STXBP5: variants seen among roughly 807,000 people sequenced by gnomAD.
STXBP5 encodes syntaxin binding protein 5, also known as syntaxin-binding protein 5.
Under a neutral mutation model 152.4 loss-of-function variants are expected in STXBP5, and 50 were observed. The ratio of observed to expected loss-of-function variants is 0.33; its 90% CI spans 0.26 to 0.42. The LOEUF (loss-of-function observed/expected upper bound fraction) is 0.42, where lower values mean the gene tolerates loss of function less well. Among genes scored for constraint, STXBP5 ranks in the 10% least tolerant of loss-of-function variants. The pLI, the probability that STXBP5 is intolerant of heterozygous loss-of-function variation, is 1.00. For missense variants in STXBP5, 1,167 were observed against 1,388.6 expected (o/e 0.84, Z 2.54); for synonymous variants, 492 against 494.7 (o/e 0.99, Z 0.07).
chr6:147,232,777 C>G (rs1433447315), intron 2 of STXBP5, among the ~76,000 whole-genome samples: 14 of 151,776 alleles, frequency 9.2e-5, no homozygotes, highest in Admixed American at 9.2e-4. Flanking sequence ...TTATTTTTAT[C>G]ATGTTAGCTA....
intron 16 of STXBP5, among the ~76,000 whole-genome samples, chr6:147,324,147 T>TAC (rs1244068499): frequency 2.6e-5 from 4 of 151,948 alleles, no homozygotes; most frequent in Admixed American, 1.3e-4. Flanking sequence ...TGAAAGTAGG[T>TAC]GCACACACAC....
In STXBP5 at chr6:147,388,640, A is replaced by G. The variant is rs546101699; in HGVS notation, c.*3885A>G. On this transcript the variant is annotated 3_prime_UTR_variant, in exon 28 of 28. Coordinates refer to ENST00000321680, the MANE Select transcript of STXBP5 (RefSeq NM_001127715.4). Reference sequence around the variant, plus strand: ...TCATACATCATTTAAAAATCTTCACACATGAACAGGAAAGATATCATTTCT... The same window carrying G: ...TCATACATCATTTAAAAATCTTCACGCATGAACAGGAAAGATATCATTTCT... 5 of 151,484 alleles carry G rather than the reference A, an allele frequency of 3.3e-5. No individual in the cohort carries two copies. The East Asian group carries it at 5.8e-4, about 18-fold the overall frequency. 9.4% of individuals were successfully genotyped at this position (151,484 alleles called of 1,614,324 possible).
rs756950018 is a variant in STXBP5 at position 147,327,149 on chromosome 6, C to T, written c.1953C>T (p.Gly651=). The T allele has an allele frequency of 1.2e-6, 2 of 1,611,862 alleles. No individual in the cohort carries two copies. Among genetic ancestry groups the T allele is most frequent in the African/African-American group, 2.7e-5 (2 of 74,764 alleles). ...GGGTGGTTTTTGGCAATTGCAATGGCATTGCTATGGTTGACTACCTCCAGA... is the reference window on the plus strand; with the variant it reads ...GGGTGGTTTTTGGCAATTGCAATGGTATTGCTATGGTTGACTACCTCCAGA... ...YGLVVFGNCN[G]IAMVDYLQKA... Residue 651 remains glycine, a synonymous_variant, in exon 18 of 28, where the codon GGC becomes GGT. Coordinates refer to ENST00000321680, the MANE Select transcript of STXBP5 (RefSeq NM_001127715.4).
chr6:147,327,752 T>C (rs1278944399), intron 18 of STXBP5, among the ~76,000 whole-genome samples: 1 of 152,192 alleles, frequency 6.6e-6, no homozygotes, highest in African/African-American at 2.4e-5. Flanking sequence ...TGTTTTTCTT[T>C]TTAATATTCT....
At chr6:147,333,497 C>G (rs1783682419) in intron 18 of STXBP5, among the ~76,000 whole-genome samples, 1 of 152,208 alleles carries the variant, frequency 6.6e-6, no homozygotes, top group African/African-American at 2.4e-5. Flanking sequence ...GCACTCCAGC[C>G]TGGGCGACAG....
chr6:147,253,185 C>T (rs1779185076), intron 4 of STXBP5, among the ~76,000 whole-genome samples: 1 of 152,102 alleles, frequency 6.6e-6, no homozygotes, highest in Admixed American at 6.6e-5. Flanking sequence ...TAATCCATCA[C>T]ATAAACAGAA....
At chr6:147,314,175 GATT>G (rs1012003914) in intron 12 of STXBP5, 86 bp from the exon 13 acceptor site, 39 of 1,311,166 alleles carry the variant, frequency 3.0e-5, no homozygotes, top group Non-Finnish European at 3.9e-5. Flanking sequence ...TTTTTCACTG[GATT>G]ATTTACACAC....
intron 7 of STXBP5, among the ~76,000 whole-genome samples, chr6:147,277,072 G>A (rs925823734): frequency 1.3e-5 from 2 of 151,998 alleles, no homozygotes; most frequent in Non-Finnish European, 2.9e-5. Flanking sequence ...GTAAATTGAG[G>A]AGCATCTGTA....
In STXBP5 at chr6:147,267,158, A is replaced by G. The variant is rs200726158; in HGVS notation, c.705A>G (p.Thr235=). ...CAAAGAAAGCCGACTACAGATACACATATGATGAGGTAATATTATTTTTGC... is the reference window on the plus strand; with the variant it reads ...CAAAGAAAGCCGACTACAGATACACGTATGATGAGGTAATATTATTTTTGC... The part of the protein sequence containing the change: ...LKSKKADYRY[T]YDEAIHSVAW... The change falls in exon 7 of 28, where the codon ACA becomes ACG. Residue 235 remains threonine (T), a synonymous_variant. Transcript: ENST00000321680. 25 of 1,603,324 alleles carry G rather than the reference A, an allele frequency of 1.6e-5. No homozygotes were observed. In the African/African-American group the frequency reaches 2.2e-4, roughly 14 times the overall value.
At chr6:147,368,683 T>A (rs1269515736) in intron 25 of STXBP5, among the ~76,000 whole-genome samples, 2 of 152,032 alleles carry the variant, frequency 1.3e-5, no homozygotes, top group Non-Finnish European at 2.9e-5. Flanking sequence ...GACATGATCA[T>A]CAGTATAGGA....
rs1328727763 is a variant in STXBP5, at chr6:147,388,500, A to G, written c.*3745A>G. On this transcript the variant is annotated 3_prime_UTR_variant, in exon 28 of 28. Coordinates refer to ENST00000321680, the MANE Select transcript of STXBP5 (RefSeq NM_001127715.4). Reference sequence around the variant, plus strand: ...TAATTTTAAAATGGTGAACTTGTTAAGTTTAAGTCAAAGTACTTAAAAAGT... The same window carrying G: ...TAATTTTAAAATGGTGAACTTGTTAGGTTTAAGTCAAAGTACTTAAAAAGT... 6.6e-6 allele frequency: 1 copy of G among 151,574 alleles called. No individual in the cohort carries two copies. The highest frequency in any genetic ancestry group is 1.5e-5 in the Non-Finnish European group (1 of 67,650). The allele number at this position is 151,574 out of a possible 1,614,324, so 9.4% of individuals were successfully genotyped here. A position where few individuals can be genotyped will look rare whatever the true frequency, so the allele number is the denominator to read the frequency against.
At chr6:147,219,072 G>C (rs566817497) in intron 2 of STXBP5, among the ~76,000 whole-genome samples, 8 of 152,220 alleles carry the variant, frequency 5.3e-5, no homozygotes, top group African/African-American at 1.9e-4. Context: ...AAGTGTGTTA[G>C]CTGTAGTTTT....
chr6:147,317,152 T>G (rs1782685378), intron 16 of STXBP5, among the ~76,000 whole-genome samples: 1 of 152,136 alleles, frequency 6.6e-6, no homozygotes, highest in Non-Finnish European at 1.5e-5. Flanking sequence ...TGTACTAGGT[T>G]CAAGGTAGAG....
intron 26 of STXBP5, among the ~76,000 whole-genome samples, chr6:147,381,283 C>G (rs1371026703): frequency 6.6e-6 from 1 of 152,118 alleles, no homozygotes; most frequent in East Asian, 1.9e-4. Context: ...ATGAAAAGAT[C>G]TTCAACATCA....
rs1221116560 is a variant in STXBP5 at position 147,373,733 on chromosome 6, A to G, written c.3084A>G (p.Glu1028=). ...GACAATTTGTTTTGATTTTAAAGGA[A>G]ATGTTGGGTGAACTCTTCACTCCTG... ...YSQETCENLQ[E]MLGELFTPVE... Residue 1028 remains glutamate, a splice_region_variant and synonymous_variant, in exon 26 of 28, where the codon GAA becomes GAG. Coordinates refer to ENST00000321680, the MANE Select transcript of STXBP5 (RefSeq NM_001127715.4). The G allele has an allele frequency of 1.2e-6, 2 of 1,610,410 alleles. No homozygotes were observed. Among genetic ancestry groups the G allele is most frequent in the Admixed American group, 3.4e-5 (2 of 59,576 alleles).
In STXBP5 at chr6:147,315,533, A is replaced by G; in HGVS notation, c.1421A>G (p.Tyr474Cys). The G allele has an allele frequency of 3.1e-6, 5 of 1,609,404 alleles. No homozygotes were observed. The highest frequency in any genetic ancestry group is 4.3e-6 in the Non-Finnish European group (5 of 1,176,256). Reference sequence around the variant, plus strand: ...TTTCCAGTAACTCTACAAGTATTATATAAGCTAAAGACATCTAAAGTATTT... The same window carrying G: ...TTTCCAGTAACTCTACAAGTATTATGTAAGCTAAAGACATCTAAAGTATTT... Reference protein sequence around the residue: ...DASAITLQVLYKLKTSKVFEK... With the variant: ...DASAITLQVLCKLKTSKVFEK... Residue 474 changes from tyrosine to cysteine, a missense_variant, in exon 15 of 28, where the codon TAT (tyrosine) becomes TGT (cysteine). Transcript: ENST00000321680.
chr6:147,236,800 A>G (rs956530008), intron 3 of STXBP5, among the ~76,000 whole-genome samples: 2 of 140,424 alleles, frequency 1.4e-5, no homozygotes, highest in African/African-American at 2.7e-5. Context: ...TTTTTTTGAG[A>G]TGGAGTCTTA....
chr6:147,249,713 G>T (rs990981777), intron 4 of STXBP5, among the ~76,000 whole-genome samples: 32 of 152,262 alleles, frequency 2.1e-4, no homozygotes, highest in African/African-American at 7.5e-4. Context: ...TGGCAAAAGA[G>T]AGAGATTGTT....
intron 2 of STXBP5, among the ~76,000 whole-genome samples, chr6:147,232,859 A>G (rs1269255249): frequency 6.6e-6 from 1 of 151,844 alleles, no homozygotes; most frequent in Non-Finnish European, 1.5e-5. Context: ...TACATAGCCC[A>G]AGAGTAAAAC....
Sources: allele counts gnomAD v4.1 joint callset (sites outside exome capture counted in the v4.1 genomes callset), GRCh38; gene constraint gnomAD v4.1.1; transcripts MANE v1.5; gene names NCBI Gene and HGNC (gene_info 2026-07-23, HGNC 2026-07-21).